Variants in WDPCP observed in about 807,000 individuals in gnomAD.
WDPCP encodes the protein WD repeat-containing and planar cell polarity effector protein fritz homolog.
WDPCP carries 71 observed loss-of-function variants against 93.1 expected under a neutral mutation model. The ratio of observed to expected loss-of-function variants is 0.76; its 90% confidence interval spans 0.63 to 0.93. The LOEUF (loss-of-function observed/expected upper bound fraction) is 0.93, where lower values mean the gene tolerates loss of function less well. WDPCP is among the 40% of genes least tolerant of loss of function. The pLI, the probability that WDPCP is intolerant of heterozygous loss-of-function variation, is 0.00. For missense variants in WDPCP, 844 were observed against 887.4 expected, an observed-to-expected ratio of 0.95 and a Z score of 0.62; for synonymous variants, 315 against 315.0, an observed-to-expected ratio of 1.00 and a Z score of 0.00.
the WDPCP span, among the ~76,000 whole-genome samples, chr2:63,837,122 C>T: frequency 6.6e-6 from 1 of 152,228 alleles, no homozygotes; most frequent in Non-Finnish European, 1.5e-5. Context: ...CTTGTTTCAG[C>T]AAACTTCCTG....
At chr2:63,768,072 A>T (rs746713395) in intron 2 of WDPCP, among the ~76,000 whole-genome samples, 3 of 152,154 alleles carry the variant, frequency 2.0e-5, no homozygotes, top group Non-Finnish European at 1.5e-5. Flanking sequence ...ATTCAGGTCT[A>T]TGATCAATTT....
At chr2:63,315,480 C>T (rs1234800127) in intron 12 of WDPCP, among the ~76,000 whole-genome samples, 2 of 152,080 alleles carry the variant, frequency 1.3e-5, no homozygotes, top group East Asian at 3.9e-4. Flanking sequence ...AAATTAAAAT[C>T]AAACAAGTAT....
intron 6 of WDPCP, chr2:63,443,120 C>A (rs1697611820): frequency 6.6e-6 from 1 of 152,024 alleles, no homozygotes; most frequent in African/African-American, 2.4e-5. Flanking sequence ...TCATTTACCC[C>A]AAAATATATA....
chr2:63,661,416 C>T (rs574265142), intron 2 of WDPCP, among the ~76,000 whole-genome samples: 3 of 152,302 alleles, frequency 2.0e-5, no homozygotes, highest in South Asian at 2.1e-4. Flanking sequence ...ACTCATTAGA[C>T]TGTAAACTTT....
rs1278469392 is a variant in WDPCP, at chr2:63,238,056, A to T, written c.1915+21251T>A. 3.3e-5 allele frequency among the ~76,000 whole-genome samples: 5 copies of T among 152,254 alleles called. No individual in the cohort carries two copies. In the East Asian group the frequency reaches 9.6e-4, roughly 29 times the overall value. ...AGCTTCATGAGTTAATTGTTAAATA[A>T]GATGACATGCCCAAAATGGCAGGTG... is the stretch of plus-strand genomic sequence containing the variant. On this transcript the variant is annotated intron_variant, in intron 14 of 17. Transcript: ENST00000272321.
intron 1 of WDPCP, among the ~76,000 whole-genome samples, chr2:63,560,581 C>A (rs1706531486): frequency 6.6e-6 from 1 of 152,086 alleles, no homozygotes; most frequent in African/African-American, 2.4e-5. Context: ...TGGAACGAAC[C>A]CAAATGTCCA....
At chr2:63,689,287 T>G (rs1266174441) in intron 2 of WDPCP, among the ~76,000 whole-genome samples, 1 of 152,180 alleles carries the variant, frequency 6.6e-6, no homozygotes, top group Non-Finnish European at 1.5e-5. Context: ...CTGTAAATTT[T>G]TCTTCAAAGA....
intron 1 of WDPCP, among the ~76,000 whole-genome samples, chr2:63,496,206 T>C (rs992066660): frequency 6.6e-6 from 1 of 152,210 alleles, no homozygotes; most frequent in Non-Finnish European, 1.5e-5. Context: ...TAAAATTTTA[T>C]AGATGAAACC....
chr2:63,310,510 G>A (rs780420279), intron 13 of WDPCP, among the ~76,000 whole-genome samples: 3 of 151,336 alleles, frequency 2.0e-5, no homozygotes, highest in Non-Finnish European at 4.4e-5. Flanking sequence ...AGCTAAGAAT[G>A]GTTTTTGGAA....
At position 63,770,241 on chromosome 2, in the gene WDPCP, T is replaced by A. The variant is rs146402724; in HGVS notation, n.308+43381A>T. 1.2e-4 allele frequency among the ~76,000 whole-genome samples: 18 copies of A among 152,068 alleles called. No individual in the cohort carries two copies. The East Asian group carries it at 3.3e-3, about 28-fold the overall frequency. Reference sequence around the variant, plus strand: ...ACCATACCACCCTGAACGTGTCCAATCTCATCTGAAAATAATATTTTGTTT... The same window carrying A: ...ACCATACCACCCTGAACGTGTCCAAACTCATCTGAAAATAATATTTTGTTT... On this transcript the variant is annotated intron_variant and non_coding_transcript_variant, in intron 2 of 4. Transcript: ENST00000467687.
intron 1 of WDPCP, among the ~76,000 whole-genome samples, chr2:63,561,206 C>T (rs1242071819): frequency 6.6e-6 from 1 of 152,122 alleles, no homozygotes. Context: ...AGGCCAGGCA[C>T]GGTGGCTCAC....
intron 1 of WDPCP, among the ~76,000 whole-genome samples, chr2:63,582,565 G>C (rs907625203): frequency 1.3e-5 from 2 of 151,958 alleles, no homozygotes; most frequent in African/African-American, 4.8e-5. Context: ...GATCCAAGAA[G>C]CTCCATGAAC....
At position 63,152,906 on chromosome 2, in the gene WDPCP, T is replaced by C. The variant is rs1303386488; in HGVS notation, c.2190+8A>G. 1.2e-6 allele frequency: 2 copies of C among 1,609,590 alleles called. No homozygotes were observed. The highest frequency in any genetic ancestry group is 1.7e-5 in the Admixed American group (1 of 59,982). On this transcript the variant is annotated splice_region_variant and intron_variant, in intron 17 of 17. Transcript: ENST00000272321. ...AATGTCTAGTAATAAACAGAGAAAG[T>C]GTTTTACCTGTTCTCTGCCGTCTTC...
chr2:63,779,597 C>A (rs1033355899), intron 2 of WDPCP, among the ~76,000 whole-genome samples: 1 of 152,170 alleles, frequency 6.6e-6, no homozygotes, highest in Non-Finnish European at 1.5e-5. Context: ...GGGGTGCCCA[C>A]ACCTCCCTTC....
chr2:63,695,214 CATTT>C (rs1668947823), intron 2 of WDPCP, among the ~76,000 whole-genome samples: 1 of 152,028 alleles, frequency 6.6e-6, no homozygotes, highest in Non-Finnish European at 1.5e-5. Context: ...AAAATTAAAA[CATTT>C]ATTTTCTCAT....
intron 1 of WDPCP, among the ~76,000 whole-genome samples, chr2:63,505,826 T>C (rs1396419008): frequency 2.6e-5 from 4 of 152,110 alleles, no homozygotes; most frequent in African/African-American, 9.7e-5. Context: ...AGTGGCACCA[T>C]GCTAGGCATT....
intron 1 of WDPCP, among the ~76,000 whole-genome samples, chr2:63,569,672 G>T (rs1317665160): frequency 6.6e-6 from 1 of 152,144 alleles, no homozygotes; most frequent in Non-Finnish European, 1.5e-5. Context: ...CGTGGGCAAG[G>T]GCTCAGTGGG....
chr2:63,269,614 T>A (rs1435380107), intron 13 of WDPCP, among the ~76,000 whole-genome samples: 1 of 152,222 alleles, frequency 6.6e-6, no homozygotes, highest in Non-Finnish European at 1.5e-5. Flanking sequence ...TATTGACAGA[T>A]AATTATAAGT....
intron 12 of WDPCP, among the ~76,000 whole-genome samples, chr2:63,332,104 G>GTA (rs1366782217): frequency 3.3e-5 from 5 of 149,780 alleles, no homozygotes; most frequent in Non-Finnish European, 7.4e-5. Flanking sequence ...GTGTGTGTGT[G>GTA]TGTATATATA....
Sources: gnomAD v4.1 joint callset for allele counts (sites outside exome capture counted in the v4.1 genomes callset) on GRCh38, gnomAD v4.1.1 for gene constraint, MANE v1.5 for transcripts, NCBI Gene and HGNC (gene_info 2026-07-23, HGNC 2026-07-21) for gene names.